Variants in AP1S3 observed in about 807,000 individuals in gnomAD.
AP1S3 encodes adaptor related protein complex 1 subunit sigma 3.
Under a neutral mutation model 20.9 loss-of-function variants are expected in AP1S3, and 10 were observed. The observed-to-expected ratio is 0.48, with a 90% CI of 0.29 to 0.81. AP1S3 has a LOEUF of 0.81. AP1S3 is among the 30% of genes least tolerant of loss of function. The pLI is 0.08. For synonymous variants in AP1S3, 41 were observed against 61.5 expected (o/e 0.67, Z 1.56); for missense variants, 154 against 183.8 (o/e 0.84, Z 0.94).
chr2:223,769,889 C>G (rs967144243), intron 3 of AP1S3, among the ~76,000 whole-genome samples: 1 of 151,500 alleles, frequency 6.6e-6, no homozygotes, highest in African/African-American at 2.4e-5. Context: ...GGACTACAGG[C>G]GCCCGCTACC....
rs1355246404 is a variant in AP1S3, at chr2:223,755,523, ACTTT to A, written c.*3188_*3191del. Among the ~76,000 whole-genome samples the A allele has an allele frequency of 7.8e-6, 1 of 127,428 alleles. No homozygotes were observed. Among genetic ancestry groups the A allele is most frequent in the African/African-American group, 2.9e-5 (1 of 34,522 alleles). 83.6% of individuals were successfully genotyped at this position (127,428 alleles called of 152,430 possible). ...CTGTGCCATATAGATATGTTTACTT[ACTTT>A]CATTTTTTTTTTTTTTTTTTTGAGA... On this transcript the variant is annotated 3_prime_UTR_variant, in exon 5 of 5. Coordinates refer to ENST00000396654, the MANE Select transcript of AP1S3 (RefSeq NM_001039569.2).
At chr2:223,837,227 C>CGCCGCGGCGCCGCGTT (rs1380445545) in intron 1 of AP1S3, among the ~76,000 whole-genome samples, 2 of 150,712 alleles carry the variant, frequency 1.3e-5, no homozygotes, top group Admixed American at 6.6e-5. Flanking sequence ...GGAGCCGCGG[C>CGCCGCGGCGCCGCGTT]GCCGCGGCGC....
chr2:223,837,229 C>A (rs1309064647), intron 1 of AP1S3, among the ~76,000 whole-genome samples: 2 of 151,486 alleles, frequency 1.3e-5, no homozygotes, highest in Non-Finnish European at 2.9e-5. Flanking sequence ...AGCCGCGGCG[C>A]CGCGGCGCCG....
chr2:223,766,871 G>C (rs575933076), intron 3 of AP1S3, among the ~76,000 whole-genome samples: 6 of 152,256 alleles, frequency 3.9e-5, no homozygotes, highest in African/African-American at 1.4e-4. Context: ...ATACTATGCA[G>C]CCATAAAAAA....
intron 1 of AP1S3, among the ~76,000 whole-genome samples, chr2:223,836,715 C>G (rs151195394): frequency 2.6e-5 from 4 of 152,150 alleles, no homozygotes; most frequent in African/African-American, 4.8e-5. Context: ...GGCGACAGAG[C>G]GAGATCAGTC....
At chr2:223,791,348 C>A (rs913065337) in intron 1 of AP1S3, among the ~76,000 whole-genome samples, 3 of 152,184 alleles carry the variant, frequency 2.0e-5, no homozygotes, top group Admixed American at 1.3e-4. Flanking sequence ...ATCAAGTTGG[C>A]TTCATCCCCA....
At chr2:223,835,127 C>T (rs1405079217) in intron 1 of AP1S3, among the ~76,000 whole-genome samples, 1 of 91,224 alleles carries the variant, frequency 1.1e-5, no homozygotes, top group Non-Finnish European at 2.6e-5. Context: ...CCAGGTCACA[C>T]TTTCAGAACC....
In AP1S3 at chr2:223,755,848, A is replaced by G. The variant is rs1690200610; in HGVS notation, c.*2867T>C. ...CCCAGAAGAGATATATTTACTTTCT[A>G]TGTGTGACACTGATTGAAGTCTGAG... On this transcript the variant is annotated 3_prime_UTR_variant, in exon 5 of 5. Transcript: ENST00000396654. 3 of 985,234 alleles carry G rather than the reference A, an allele frequency of 3.0e-6. No individual in the cohort carries two copies. The highest frequency in any genetic ancestry group is 9.4e-5 in the South Asian group (2 of 21,294). The allele number at this position is 985,234 out of a possible 1,614,324, so 61.0% of individuals were successfully genotyped here.
intron 1 of AP1S3, among the ~76,000 whole-genome samples, chr2:223,825,536 C>G (rs577788576): frequency 2.4e-4 from 36 of 152,304 alleles, no homozygotes; most frequent in Non-Finnish European, 4.7e-4. Context: ...TCTCCCATCT[C>G]CTCCCCACTG....
chr2:223,817,794 T>C (rs537407039), intron 1 of AP1S3, among the ~76,000 whole-genome samples: 1 of 152,082 alleles, frequency 6.6e-6, no homozygotes, highest in African/African-American at 2.4e-5. Context: ...CTTACTACTC[T>C]GATTCTAAGC....
intron 4 of AP1S3, among the ~76,000 whole-genome samples, chr2:223,759,099 A>G (rs1690291943): frequency 6.6e-6 from 1 of 151,948 alleles, no homozygotes; most frequent in Non-Finnish European, 1.5e-5. Context: ...GGCCAACATG[A>G]CAAAACCCCA....
chr2:223,791,867 T>C (rs1691222603), intron 1 of AP1S3, among the ~76,000 whole-genome samples: 1 of 152,104 alleles, frequency 6.6e-6, no homozygotes, highest in South Asian at 2.1e-4. Context: ...CAAAAATCAC[T>C]AGCCTGTTGT....
At chr2:223,790,548 C>G (rs1691193301) in intron 1 of AP1S3, among the ~76,000 whole-genome samples, 1 of 152,044 alleles carries the variant, frequency 6.6e-6, no homozygotes, top group African/African-American at 2.4e-5. Context: ...TTTGATTTTA[C>G]CTAATGTAGT....
chr2:223,770,314 G>C, intron 3 of AP1S3: 1 of 1,550,452 alleles, frequency 6.4e-7, no homozygotes. Context: ...GGAGAAACCA[G>C]CAATTAAACT....
intron 1 of AP1S3, among the ~76,000 whole-genome samples, chr2:223,824,745 A>C (rs1156900646): frequency 1.3e-5 from 2 of 152,070 alleles, no homozygotes; most frequent in Non-Finnish European, 2.9e-5. Flanking sequence ...CCATTTGGCC[A>C]GGCTGGTCTC....
chr2:223,822,234 A>G (rs1344994137), intron 1 of AP1S3, among the ~76,000 whole-genome samples: 2 of 152,082 alleles, frequency 1.3e-5, no homozygotes, highest in Non-Finnish European at 2.9e-5. Flanking sequence ...TACAAAAAAA[A>G]TAGAAAAAAT....
intron 1 of AP1S3, among the ~76,000 whole-genome samples, chr2:223,805,357 C>T (rs369715658): frequency 5.9e-5 from 9 of 152,108 alleles, no homozygotes; most frequent in Non-Finnish European, 1.2e-4. Flanking sequence ...GCAGGAGAAT[C>T]GCTTGAAACA....
chr2:223,785,147 C>T (rs1434055424), intron 1 of AP1S3, among the ~76,000 whole-genome samples: 2 of 152,106 alleles, frequency 1.3e-5, no homozygotes, highest in East Asian at 3.9e-4. Flanking sequence ...TCAAGATCAG[C>T]CTGGCCAACA....
chr2:223,784,399 T>C (rs1691026214), intron 1 of AP1S3, among the ~76,000 whole-genome samples: 1 of 152,038 alleles, frequency 6.6e-6, no homozygotes, highest in Non-Finnish European at 1.5e-5. Flanking sequence ...TGCACAGACT[T>C]GTCACACCCA....
Sources: gnomAD v4.1 joint callset for allele counts (sites outside exome capture counted in the v4.1 genomes callset) on GRCh38, gnomAD v4.1.1 for gene constraint, MANE v1.5 for transcripts, NCBI Gene and HGNC (gene_info 2026-07-23, HGNC 2026-07-21) for gene names.